The following EFCAB7 variants were observed in gnomAD, a reference collection of about 807,000 sequenced individuals.
EFCAB7 encodes the protein EF-hand calcium binding domain 7, also known as EF-hand calcium-binding domain-containing protein 7.
Under a neutral mutation model 77.1 loss-of-function variants are expected in EFCAB7, and 66 were observed. That is an observed-to-expected ratio of 0.86 (90% CI 0.70 to 1.05). The LOEUF is 1.05. EFCAB7 is among the 50% of genes least tolerant of loss of function. The probability of loss-of-function intolerance (pLI) is 0.00; values close to 1 mark genes in which losing one functional copy is unlikely to be tolerated. For synonymous variants in EFCAB7, 225 were observed against 243.3 expected (o/e 0.92, Z 0.70); for missense variants, 638 against 730.5 (o/e 0.87, Z 1.46).
chr1:63,538,553 G>A (rs536926311), intron 6 of EFCAB7, among the ~76,000 whole-genome samples: 2 of 151,706 alleles, frequency 1.3e-5, no homozygotes, highest in Non-Finnish European at 2.9e-5. Flanking sequence ...TCCCGAGTTC[G>A]AGTGATTCTC....
chr1:63,534,145 G>A lies in EFCAB7; in HGVS notation c.733G>A (p.Val245Ile). The part of the protein sequence containing the change: ...LSATRKFKTS[V>I]SFTVTMGANG... Reference sequence around the variant, plus strand: ...AGCAACCAGGAAGTTCAAAACATCTGTTTCCTTCACAGTTACCATGGGGGC... The same window carrying A: ...AGCAACCAGGAAGTTCAAAACATCTATTTCCTTCACAGTTACCATGGGGGC... The change falls in exon 6 of 14, where the codon GTT becomes ATT. Residue 245 changes from valine (V) to isoleucine (I), a missense_variant. Val to Ile is a conservative substitution (Grantham distance 29). Coordinates refer to ENST00000371088, the MANE Select transcript of EFCAB7 (RefSeq NM_032437.4). The A allele has an allele frequency of 6.2e-7, 1 of 1,613,358 alleles. No individual in the cohort carries two copies. Among genetic ancestry groups the A allele is most frequent in the Non-Finnish European group, 8.5e-7 (1 of 1,179,524 alleles).
chr1:63,565,086 C>T (rs994426485), intron 11 of EFCAB7, among the ~76,000 whole-genome samples: 1 of 152,218 alleles, frequency 6.6e-6, no homozygotes, highest in African/African-American at 2.4e-5. Context: ...ATGGCTCACG[C>T]CTGTAATCCC....
In EFCAB7 at chr1:63,528,177, A is replaced by T. The variant is rs189908489; in HGVS notation, c.187+2418A>T. On this transcript the variant is annotated intron_variant, in intron 2 of 13. Transcript: ENST00000371088. ...AGCCCAAATTTGGAAGCAACGTAAG[A>T]GTTCATCAATAGATGAATGGATAAA... Among the ~76,000 whole-genome samples, 18 of 152,322 alleles carry T rather than the reference A, an allele frequency of 1.2e-4. No homozygotes were observed. The East Asian group carries it at 3.5e-3, about 29-fold the overall frequency.
chr1:63,577,573 T>G (rs1647459883), downstream of EFCAB7, among the ~76,000 whole-genome samples: 1 of 152,202 alleles, frequency 6.6e-6, no homozygotes, highest in Admixed American at 6.5e-5. Context: ...AAAAAAAGTT[T>G]TTTCTTAGTA....
chr1:63,569,789 C>T (rs1423806321), intron 12 of EFCAB7: 1 of 152,176 alleles, frequency 6.6e-6, no homozygotes, highest in Non-Finnish European at 1.5e-5. Context: ...GGGTCCCCAC[C>T]TAGTAGATTG....
At chr1:63,571,670 C>CAAAAAAAAAAA (rs10605515) in intron 13 of EFCAB7, among the ~76,000 whole-genome samples, 2 of 65,314 alleles carry the variant, frequency 3.1e-5, no homozygotes, top group African/African-American at 6.5e-5. Context: ...GACTCTGTCT[C>CAAAAAAAAAAA]AAAAAAAAAA....
In EFCAB7 at chr1:63,568,518, A is replaced by G; in HGVS notation, c.1706A>G (p.Lys569Arg). Residue 569 changes from lysine to arginine, a missense_variant and splice_region_variant, in exon 12 of 14, where the codon AAG (lysine) becomes AGG (arginine). Coordinates refer to ENST00000371088, the MANE Select transcript of EFCAB7 (RefSeq NM_032437.4). ...TGGATAACGTCAGTTATTGAAAACA[A>G]GGTATCAATTATGAGGTGGTTTTCC... ...DTWITSVIEN[K>R]SDEKVIIHIS... is the part of the protein sequence containing the mutation. The G allele has an allele frequency of 6.2e-7, 1 of 1,603,212 alleles. No individual in the cohort carries two copies. Among genetic ancestry groups the G allele is most frequent in the Non-Finnish European group, 8.5e-7 (1 of 1,176,056 alleles).
At chr1:63,582,306 A>T in the EFCAB7 span, among the ~76,000 whole-genome samples, 1 of 152,226 alleles carries the variant, frequency 6.6e-6, no homozygotes, top group African/African-American at 2.4e-5. Flanking sequence ...TGACATTACA[A>T]GAAAAAGTTG....
intron 10 of EFCAB7, among the ~76,000 whole-genome samples, chr1:63,560,930 C>A (rs1647092651): frequency 6.6e-6 from 1 of 152,188 alleles, no homozygotes; most frequent in Non-Finnish European, 1.5e-5. Flanking sequence ...AATAAGACTA[C>A]CCATTTCCCT....
chr1:63,570,972 GTAATTAT>G (rs771428131), intron 12 of EFCAB7, 42 bp from the exon 13 acceptor site: 2 of 1,342,240 alleles, frequency 1.5e-6, no homozygotes, highest in Non-Finnish European at 2.1e-6. Context: ...ATATTTGTCT[GTAATTAT>G]TAAAGAAAGG....
chr1:63,560,174 G>T (rs373098655), intron 10 of EFCAB7, among the ~76,000 whole-genome samples: 3 of 152,078 alleles, frequency 2.0e-5, no homozygotes, highest in East Asian at 3.9e-4. Context: ...GGATGGTCTC[G>T]ATCTCCTGAC....
chr1:63,565,562 G>A (rs1181023637), intron 11 of EFCAB7, among the ~76,000 whole-genome samples: 1 of 152,128 alleles, frequency 6.6e-6, no homozygotes, highest in Non-Finnish European at 1.5e-5. Context: ...CTTCTGTGCA[G>A]CAAAAGAAAC....
At chr1:63,554,011 T>C (rs1027452758) in intron 8 of EFCAB7, among the ~76,000 whole-genome samples, 2 of 152,020 alleles carry the variant, frequency 1.3e-5, no homozygotes, top group African/African-American at 2.4e-5. Context: ...TTTTTAGAGA[T>C]AGGATCTCGC....
At chr1:63,555,200 A>G (rs1489633055) in intron 8 of EFCAB7, 158 bp from the exon 9 acceptor site, 8 of 741,598 alleles carry the variant, frequency 1.1e-5, no homozygotes, top group Non-Finnish European at 6.0e-6. Context: ...AGAATTTGAA[A>G]CCTGTAAAAA....
rs1312760198 is a variant in EFCAB7, at chr1:63,551,798, A to G, written c.1020A>G (p.Leu340=). The change falls in exon 8 of 14, where the codon CTA becomes CTG. Residue 340 remains leucine, a synonymous_variant. Coordinates refer to ENST00000371088, the MANE Select transcript of EFCAB7 (RefSeq NM_032437.4). ...ILKENESQAN[L]QLVCFTELRN... ...AGGAAAATGAGAGTCAAGCAAATCT[A>G]CAGCTTGTGTGTTTTACCGAACTAC... 6.3e-7 allele frequency: 1 copy of G among 1,597,012 alleles called. No individual in the cohort carries two copies. The highest frequency in any genetic ancestry group is 1.3e-5 in the African/African-American group (1 of 74,392).
chr1:63,523,815 C>T (rs1289479123), intron 1 of EFCAB7, among the ~76,000 whole-genome samples, 181 bp downstream of exon 1: 1 of 152,128 alleles, frequency 6.6e-6, no homozygotes, highest in Admixed American at 6.5e-5. Context: ...GAGATGGTGC[C>T]CGAGATTACC....
intron 6 of EFCAB7, among the ~76,000 whole-genome samples, chr1:63,539,281 T>C (rs569498338): frequency 2.6e-5 from 4 of 152,302 alleles, no homozygotes; most frequent in African/African-American, 9.6e-5. Flanking sequence ...TTAACCATTT[T>C]TTTAAAGCTG....
At chr1:63,545,808 A>T (rs1285192526) in intron 6 of EFCAB7, 108 bp from the exon 7 acceptor site, 11 of 911,422 alleles carry the variant, frequency 1.2e-5, no homozygotes, top group Non-Finnish European at 6.8e-6. Flanking sequence ...GAGAGCAATG[A>T]TTATATTTGA....
rs547918708 is a variant in EFCAB7, at chr1:63,523,568, C to T, written c.-68C>T. 31 of 192,738 alleles carry T rather than the reference C, an allele frequency of 1.6e-4. No individual in the cohort carries two copies. The highest frequency in any genetic ancestry group is 2.4e-4 in the Non-Finnish European group (22 of 90,494). The allele number at this position is 192,738 out of a possible 1,614,324, so 11.9% of individuals were successfully genotyped here. ...AGAAAGGCCGAGATCTGTCCAGCTGCGGTGAGAGGAACGCTGAATCGCCGA... is the reference window on the plus strand; with the variant it reads ...AGAAAGGCCGAGATCTGTCCAGCTGTGGTGAGAGGAACGCTGAATCGCCGA... On this transcript the variant is annotated 5_prime_UTR_variant, in exon 1 of 14. Coordinates refer to ENST00000371088, the MANE Select transcript of EFCAB7 (RefSeq NM_032437.4).
Sources: allele counts gnomAD v4.1 joint callset (sites outside exome capture counted in the v4.1 genomes callset), GRCh38; gene constraint gnomAD v4.1.1; transcripts MANE v1.5; gene names NCBI Gene and HGNC (gene_info 2026-07-23, HGNC 2026-07-21).